The following NTRK3 variants were observed in gnomAD, a reference collection of about 807,000 sequenced individuals.
NTRK3 encodes neurotrophic receptor tyrosine kinase 3.
Under a neutral mutation model 91.7 loss-of-function variants are expected in NTRK3, and 24 were observed. That is an observed-to-expected ratio of 0.26 (90% CI 0.19 to 0.37). The LOEUF (loss-of-function observed/expected upper bound fraction) is 0.37, where lower values mean the gene tolerates loss of function less well. Among genes scored for constraint, NTRK3 ranks in the 10% least tolerant of loss-of-function variants. The pLI is 1.00. For missense variants in NTRK3, 880 were observed against 1,068.9 expected (o/e 0.82, Z 2.46); for synonymous variants, 483 against 404.0 (o/e 1.20, Z -2.34).
chr15:87,921,838 C>T (rs1291392042), intron 17 of NTRK3, among the ~76,000 whole-genome samples: 1 of 151,610 alleles, frequency 6.6e-6, no homozygotes, highest in African/African-American at 2.4e-5. Context: ...TATGACTGAG[C>T]TGGAATGCCT....
chr15:88,089,918 G>A (rs977005745), intron 13 of NTRK3, among the ~76,000 whole-genome samples: 2 of 152,080 alleles, frequency 1.3e-5, no homozygotes, highest in African/African-American at 4.8e-5. Flanking sequence ...ATGTGGCCTG[G>A]CCCTGCATAA....
chr15:87,973,351 G>A (rs2073424341), intron 14 of NTRK3, among the ~76,000 whole-genome samples: 1 of 152,140 alleles, frequency 6.6e-6, no homozygotes, highest in African/African-American at 2.4e-5. Context: ...ACCCAAGAGG[G>A]CCTCAGAATC....
At chr15:88,088,336 G>C (rs892762797) in intron 13 of NTRK3, among the ~76,000 whole-genome samples, 1 of 152,166 alleles carries the variant, frequency 6.6e-6, no homozygotes, top group South Asian at 2.1e-4. Flanking sequence ...TTAGAATAAT[G>C]TCATGAGGCA....
At position 88,254,417 on chromosome 15, in the gene NTRK3, G is replaced by A. The variant is rs570985534; in HGVS notation, c.248+1489C>T. Among the ~76,000 whole-genome samples, 15 of 152,260 alleles carry A rather than the reference G, an allele frequency of 9.9e-5. No individual in the cohort carries two copies. The South Asian group carries it at 2.5e-3, about 25-fold the overall frequency. ...GCTGTTTATCTTGTCATCTCTGGCC[G>A]GGTTGAAGAGGGTAAGGGGGTGAAC... On this transcript the variant is annotated intron_variant, in intron 3 of 18. Coordinates refer to ENST00000394480, the Ensembl canonical transcript of NTRK3.
At chr15:87,969,017 A>G (rs572776537) in intron 14 of NTRK3, among the ~76,000 whole-genome samples, 4 of 152,200 alleles carry the variant, frequency 2.6e-5, no homozygotes, top group East Asian at 3.9e-4. Flanking sequence ...CATAACATAG[A>G]TGCTATCCCC....
rs138651892 is a variant in NTRK3, at chr15:88,237,261, T to C, written c.248+18645A>G. 5.3e-5 allele frequency among the ~76,000 whole-genome samples: 8 copies of C among 152,356 alleles called. No homozygotes were observed. In the East Asian group the frequency reaches 1.3e-3, roughly 26 times the overall value. On this transcript the variant is annotated intron_variant, in intron 3 of 18. Coordinates refer to ENST00000394480, the Ensembl canonical transcript of NTRK3. This position sits in a 1 kb window ranked among gnomAD's most constrained non-coding sequence, Gnocchi z 4.0. ...TTCACAGCAAAATTTTCAACTTCTCTGTATGTTTGAGGATTTGCATAATAA... is the reference window on the plus strand; with the variant it reads ...TTCACAGCAAAATTTTCAACTTCTCCGTATGTTTGAGGATTTGCATAATAA...
At chr15:88,071,447 G>A (rs1040736294) in intron 13 of NTRK3, among the ~76,000 whole-genome samples, 2 of 152,226 alleles carry the variant, frequency 1.3e-5, no homozygotes, top group African/African-American at 4.8e-5. Context: ...TACCAGGGAA[G>A]TTATATGGGC....
chr15:88,092,424 C>G (rs937327845), intron 13 of NTRK3, among the ~76,000 whole-genome samples: 1 of 152,190 alleles, frequency 6.6e-6, no homozygotes, highest in African/African-American at 2.4e-5. Context: ...AGCCCATACA[C>G]AGGACCAGAG....
At chr15:87,999,069 G>T (rs1284606843) in intron 14 of NTRK3, among the ~76,000 whole-genome samples, 1 of 152,100 alleles carries the variant, frequency 6.6e-6, no homozygotes, top group East Asian at 1.9e-4. Flanking sequence ...GGCTCCTGTG[G>T]GTGCTTCTCA....
chr15:88,224,750 G>T (rs1329362151), intron 3 of NTRK3, among the ~76,000 whole-genome samples: 1 of 152,178 alleles, frequency 6.6e-6, no homozygotes, highest in Admixed American at 6.5e-5. Flanking sequence ...GGGAAGGTAG[G>T]GTTGATAAGG....
intron 14 of NTRK3, among the ~76,000 whole-genome samples, chr15:87,970,253 G>A (rs1025351468): frequency 1.4e-4 from 22 of 152,180 alleles, no homozygotes; most frequent in African/African-American, 5.3e-4. Flanking sequence ...CAGGTTTAAT[G>A]CTGAGGTCTC....
chr15:88,065,054 G>A (rs1036518497), intron 13 of NTRK3, among the ~76,000 whole-genome samples: 1 of 152,152 alleles, frequency 6.6e-6, no homozygotes, highest in African/African-American at 2.4e-5. Context: ...ACAACTATGT[G>A]ACGATAACTA....
chr15:87,955,808 TC>T (rs2071595703), intron 14 of NTRK3, among the ~76,000 whole-genome samples: 1 of 152,182 alleles, frequency 6.6e-6, no homozygotes, highest in Non-Finnish European at 1.5e-5. Flanking sequence ...ACCAGGGCTC[TC>T]CCACTTATTT....
At chr15:87,951,767 C>T (rs1023624447) in intron 14 of NTRK3, among the ~76,000 whole-genome samples, 32 of 152,220 alleles carry the variant, frequency 2.1e-4, no homozygotes, top group African/African-American at 6.3e-4. Context: ...AAGGCAGGCC[C>T]GAAGTCCACG....
intron 14 of NTRK3, among the ~76,000 whole-genome samples, chr15:88,029,071 T>G (rs925465153): frequency 6.6e-6 from 1 of 152,178 alleles, no homozygotes; most frequent in Non-Finnish European, 1.5e-5. Flanking sequence ...GCCCAAAGTC[T>G]AGGGTCCTCA....
At chr15:87,986,747 T>C (rs2074834679) in intron 14 of NTRK3, among the ~76,000 whole-genome samples, 1 of 152,246 alleles carries the variant, frequency 6.6e-6, no homozygotes, top group Non-Finnish European at 1.5e-5. Context: ...ATTACACACA[T>C]ATCTGTATGC....
intron 17 of NTRK3, among the ~76,000 whole-genome samples, chr15:87,921,090 C>A (rs999668461): frequency 9.2e-5 from 14 of 152,260 alleles, no homozygotes; most frequent in African/African-American, 3.1e-4. Flanking sequence ...ATTTTTGCAA[C>A]TTTTCTGTAC....
At chr15:87,970,023 G>A (rs2073125586) in intron 14 of NTRK3, among the ~76,000 whole-genome samples, 1 of 152,212 alleles carries the variant, frequency 6.6e-6, no homozygotes, top group African/African-American at 2.4e-5. Context: ...AGAGACAACA[G>A]TGACTCATGG....
intron 14 of NTRK3, among the ~76,000 whole-genome samples, chr15:87,961,950 A>C (rs1166623338): frequency 6.6e-6 from 1 of 152,224 alleles, no homozygotes; most frequent in Admixed American, 6.5e-5. Context: ...GGCTGAGTGG[A>C]CTTCCAGAGC....
Sources: gnomAD v4.1 joint callset for allele counts (sites outside exome capture counted in the v4.1 genomes callset) on GRCh38, gnomAD v4.1.1 for gene constraint, Gnocchi (gnomAD v3.1) non-coding constraint, MANE v1.5 for transcripts, NCBI Gene and HGNC (gene_info 2026-07-23, HGNC 2026-07-21) for gene names.